The following ATP2A2 variants were observed in gnomAD, a reference collection of about 807,000 sequenced individuals.
ATP2A2 encodes sarcoplasmic/endoplasmic reticulum calcium ATPase 2.
Under a neutral mutation model 109.3 loss-of-function variants are expected in ATP2A2, and 14 were observed. The ratio of observed to expected loss-of-function variants is 0.13; its 90% confidence interval spans 0.08 to 0.20. ATP2A2 has a LOEUF of 0.20. Ranked by LOEUF, ATP2A2 falls within the 10% of genes least tolerant of loss-of-function variation. The pLI, the probability that ATP2A2 is intolerant of heterozygous loss-of-function variation, is 1.00. For missense variants in ATP2A2, 657 were observed against 1,321.6 expected (o/e 0.50, Z 7.80); for synonymous variants, 506 against 490.9 (o/e 1.03, Z -0.41).
intron 8 of ATP2A2, 125 bp from the exon 9 acceptor site, chr12:110,332,472 A>G (rs895115850): frequency 5.9e-6 from 5 of 844,206 alleles, no homozygotes; most frequent in Admixed American, 1.8e-5. Context: ...AGTGAGTTTT[A>G]TTAAAGTTGT....
chr12:110,326,344 G>A lies in ATP2A2; in HGVS notation c.545-46G>A, dbSNP rs191476843. 4 of 1,534,434 alleles carry A rather than the reference G, an allele frequency of 2.6e-6. No individual in the cohort carries two copies. The South Asian group carries it at 3.4e-5, about 13-fold the overall frequency. ...ATGAATGAGAGGTTCTAGGTTCTTG[G>A]TGTGGGTCGCAGAGATCTGTTTTTT... On this transcript the variant is annotated intron_variant, in intron 6 of 19. Coordinates refer to ENST00000539276, the MANE Select transcript of ATP2A2 (RefSeq NM_170665.4).
chr12:110,335,766 C>T (rs1056955153), intron 11 of ATP2A2, among the ~76,000 whole-genome samples: 1 of 152,200 alleles, frequency 6.6e-6, no homozygotes, highest in Non-Finnish European at 1.5e-5. Flanking sequence ...GTGTGATGCT[C>T]TCAGAGCAGC....
rs1877069024 is a variant in ATP2A2, at chr12:110,319,917, C to CG, written c.464-3075_464-3074insG. Among the ~76,000 whole-genome samples the CG allele has an allele frequency of 2.0e-5, 3 of 152,164 alleles. No homozygotes were observed. In the South Asian group the frequency reaches 6.2e-4, roughly 32 times the overall value. ...ACCAACATGATGCTCAAGGGAAATA[C>CG]TTACTGGAGCATTTCAGATTTTGAG... On this transcript the variant is annotated intron_variant, in intron 5 of 19. Transcript: ENST00000539276.
At chr12:110,330,332 T>A (rs1325224849) in intron 8 of ATP2A2, 1 of 152,160 alleles carries the variant, frequency 6.6e-6, no homozygotes, top group African/African-American at 2.4e-5. Context: ...AACTGGGGTG[T>A]TCCAACTTTC....
At chr12:110,323,106 A>G (rs1230686312) in intron 6 of ATP2A2, 34 bp downstream of exon 6, 1 of 1,517,968 alleles carries the variant, frequency 6.6e-7, no homozygotes, top group South Asian at 1.1e-5. Flanking sequence ...TGAATTTCTG[A>G]AGACCTTCGC....
At chr12:110,328,111 C>T in intron 8 of ATP2A2, 94 bp downstream of exon 8, 1 of 1,283,006 alleles carries the variant, frequency 7.8e-7, no homozygotes, top group East Asian at 2.4e-5. Flanking sequence ...TTTGTAATTT[C>T]ATACATTTCT....
At chr12:110,328,308 C>T (rs1011173123) in intron 8 of ATP2A2, among the ~76,000 whole-genome samples, 2 of 151,176 alleles carry the variant, frequency 1.3e-5, no homozygotes, top group African/African-American at 4.9e-5. Flanking sequence ...CAGTGGCTCA[C>T]GCCTGTAATC....
rs1291902245 is a variant in ATP2A2 at position 110,349,035 on chromosome 12, TGGTTTCTCAGCTTCA to T, written c.*2567_*2581del. The T allele has an allele frequency of 1.0e-5, 10 of 985,298 alleles. No individual in the cohort carries two copies. The highest frequency in any genetic ancestry group is 1.2e-5 in the Non-Finnish European group (10 of 829,966). 61.0% of individuals were successfully genotyped at this position (985,298 alleles called of 1,614,324 possible). On this transcript the variant is annotated 3_prime_UTR_variant, in exon 20 of 20. Coordinates refer to ENST00000539276, the MANE Select transcript of ATP2A2 (RefSeq NM_170665.4). ...GTCGCACAGCCCCTAGTTAGCTTCA[TGGTTTCTCAGCTTCA>T]GACCCCTCCAGCCCACAGAGGAGCC...
chr12:110,342,350 C>T lies in ATP2A2; in HGVS notation c.2220C>T (p.Ser740=), dbSNP rs983419579. The T allele has an allele frequency of 1.9e-6, 3 of 1,614,232 alleles. No individual in the cohort carries two copies. The highest frequency in any genetic ancestry group is 1.7e-5 in the Admixed American group (1 of 60,026). Residue 740 remains serine, a synonymous_variant, in exon 15 of 20, where the codon TCC becomes TCT. Transcript: ENST00000539276. The surrounding 1 kb of genome is among the most constrained non-coding windows in gnomAD (Gnocchi z 4.6). Reference sequence around the variant, plus strand: ...TGGTCCTGGCGGATGACAACTTCTCCACCATTGTGGCTGCCGTTGAGGAGG... The same window carrying T: ...TGGTCCTGGCGGATGACAACTTCTCTACCATTGTGGCTGCCGTTGAGGAGG... ...SEMVLADDNF[S]TIVAAVEEGR... is the part of the protein sequence containing the mutation.
Position 110,344,881 on chromosome 12 carries a change from C to G in ATP2A2, c.2522-5C>G. ...GTGCATCAGCATCACTGTGTTTGTT[C>G]CCAGGTTACGTCGGCGCTGCTACCG... On this transcript the variant is annotated splice_region_variant and splice_polypyrimidine_tract_variant and intron_variant, in intron 16 of 19. Transcript: ENST00000539276. 6.2e-7 allele frequency: 1 copy of G among 1,614,126 alleles called. No individual in the cohort carries two copies. The highest frequency in any genetic ancestry group is 8.5e-7 in the Non-Finnish European group (1 of 1,180,000).
chr12:110,347,565 T>G lies in ATP2A2; in HGVS notation c.*1095T>G. On this transcript the variant is annotated 3_prime_UTR_variant, in exon 20 of 20. Transcript: ENST00000539276. Reference sequence around the variant, plus strand: ...GGTATAGAGAACATAAGGGCAAGTGTGTATGTGTGTGTATGTGTGTGTTTT... The same window carrying G: ...GGTATAGAGAACATAAGGGCAAGTGGGTATGTGTGTGTATGTGTGTGTTTT... 1.6e-6 allele frequency: 2 copies of G among 1,249,100 alleles called. No homozygotes were observed. The highest frequency in any genetic ancestry group is 2.6e-5 in the South Asian group (2 of 75,964). The allele number at this position is 1,249,100 out of a possible 1,614,324, so 77.4% of individuals were successfully genotyped here. A position where few individuals can be genotyped will look rare whatever the true frequency, so the allele number is the denominator to read the frequency against.
Position 110,281,679 on chromosome 12 carries a change from A to T in ATP2A2, c.-111A>T. 1.6e-6 allele frequency: 1 copy of T among 624,530 alleles called. No individual in the cohort carries two copies. Among genetic ancestry groups the T allele is most frequent in the Non-Finnish European group, 2.4e-6 (1 of 408,312 alleles). 38.7% of individuals were successfully genotyped at this position (624,530 alleles called of 1,614,324 possible). On this transcript the variant is annotated 5_prime_UTR_variant, in exon 1 of 20. Coordinates refer to ENST00000539276, the MANE Select transcript of ATP2A2 (RefSeq NM_170665.4). Reference sequence around the variant, plus strand: ...AGCGGCCGCAAGAGGAGGAGGGGAGAGCCCGTCCGCGCCTGGGCTCCCGGG... The same window carrying T: ...AGCGGCCGCAAGAGGAGGAGGGGAGTGCCCGTCCGCGCCTGGGCTCCCGGG...
chr12:110,349,250 C>T lies in ATP2A2; in HGVS notation c.*2780C>T, dbSNP rs144632104. 11 of 985,544 alleles carry T rather than the reference C, an allele frequency of 1.1e-5. No homozygotes were observed. The highest frequency in any genetic ancestry group is 3.5e-5 in the African/African-American group (2 of 57,386). The allele number at this position is 985,544 out of a possible 1,614,324, so 61.0% of individuals were successfully genotyped here. Reference sequence around the variant, plus strand: ...CAGGTCCAGCACCGTGGTCTTGGCACATCCCTGGCCTCAGGCCCTCACCTA... The same window carrying T: ...CAGGTCCAGCACCGTGGTCTTGGCATATCCCTGGCCTCAGGCCCTCACCTA... On this transcript the variant is annotated 3_prime_UTR_variant, in exon 20 of 20. Transcript: ENST00000539276.
chr12:110,318,775 A>G (rs539457433), intron 5 of ATP2A2, among the ~76,000 whole-genome samples: 5 of 152,314 alleles, frequency 3.3e-5, no homozygotes, highest in South Asian at 4.1e-4. Flanking sequence ...TGCCCAGTCT[A>G]TGGCAGGTTT....
intron 5 of ATP2A2, among the ~76,000 whole-genome samples, chr12:110,321,228 T>A (rs1317336794): frequency 6.6e-6 from 1 of 152,172 alleles, no homozygotes; most frequent in African/African-American, 2.4e-5. Context: ...ACTCTGTCTC[T>A]GAAAAGAAAA....
At chr12:110,301,093 C>A (rs1168539555) in intron 5 of ATP2A2, among the ~76,000 whole-genome samples, 1 of 152,048 alleles carries the variant, frequency 6.6e-6, no homozygotes, top group African/African-American at 2.4e-5. Flanking sequence ...TCTCAAACTC[C>A]TGGCCTCAAG....
intron 5 of ATP2A2, among the ~76,000 whole-genome samples, chr12:110,302,849 G>A (rs1373352621): frequency 2.0e-5 from 3 of 151,990 alleles, no homozygotes; most frequent in South Asian, 2.1e-4. Flanking sequence ...CACTCACCTC[G>A]GCCTCCCAAA....
chr12:110,317,963 G>T lies in ATP2A2; in HGVS notation c.464-5029G>T, dbSNP rs566754380. Among the ~76,000 whole-genome samples, 46 of 152,244 alleles carry T rather than the reference G, an allele frequency of 3.0e-4. No homozygotes were observed. The South Asian group carries it at 9.1e-3, about 30-fold the overall frequency. The stretch of plus-strand genomic sequence containing the variant: ...GTAATTCAGAGTTTATTCTTTTATT[G>T]TACCTGCCTCCACCCAAAGAGTCAG... On this transcript the variant is annotated intron_variant, in intron 5 of 19. Transcript: ENST00000539276.
Position 110,281,773 on chromosome 12 carries a change from G to A in ATP2A2, c.-17G>A. On this transcript the variant is annotated 5_prime_UTR_variant, in exon 1 of 20. Coordinates refer to ENST00000539276, the MANE Select transcript of ATP2A2 (RefSeq NM_170665.4). The stretch of plus-strand genomic sequence containing the variant: ...GCCGCGGGGACGGGAGGCGAGGCCG[G>A]CCGGGCCCCCGAAGCCATGGAGAAC... 6.7e-7 allele frequency: 1 copy of A among 1,484,890 alleles called. No homozygotes were observed. 92.0% of individuals were successfully genotyped at this position (1,484,890 alleles called of 1,614,324 possible). A position where few individuals can be genotyped will look rare whatever the true frequency, so the allele number is the denominator to read the frequency against.
Sources: allele counts gnomAD v4.1 joint callset (sites outside exome capture counted in the v4.1 genomes callset), GRCh38; gene constraint gnomAD v4.1.1; non-coding constraint Gnocchi (gnomAD v3.1); transcripts MANE v1.5; gene names NCBI Gene and HGNC (gene_info 2026-07-23, HGNC 2026-07-21).